Variants in SMC5 observed in about 807,000 individuals in gnomAD.
SMC5 encodes structural maintenance of chromosomes 5, also known as structural maintenance of chromosomes protein 5.
A neutral mutation model predicts 148.3 loss-of-function variants in SMC5; 88 were observed. That is an observed-to-expected ratio of 0.59 (90% CI 0.50 to 0.71). The LOEUF is 0.71. Ranked by LOEUF, SMC5 falls within the 30% of genes least tolerant of loss-of-function variation. The probability of loss-of-function intolerance (pLI) is 0.00; values close to 1 mark genes in which losing one functional copy is unlikely to be tolerated. For synonymous variants in SMC5, 421 were observed against 432.8 expected (o/e 0.97, Z 0.34); for missense variants, 1,142 against 1,298.9 (o/e 0.88, Z 1.86).
chr9:70,323,209 C>T (rs1336932552), intron 15 of SMC5, among the ~76,000 whole-genome samples: 2 of 152,152 alleles, frequency 1.3e-5, no homozygotes, highest in Non-Finnish European at 2.9e-5. Flanking sequence ...ATACTATTAA[C>T]TTTTAGGATT....
intron 8 of SMC5, among the ~76,000 whole-genome samples, chr9:70,297,099 T>A (rs560393278): frequency 5.9e-5 from 9 of 152,330 alleles, no homozygotes; most frequent in African/African-American, 2.2e-4. Context: ...TTTTTCAGAT[T>A]TTTGGAATGT....
At chr9:70,340,067 T>C (rs1043497569) in intron 17 of SMC5, among the ~76,000 whole-genome samples, 11 of 152,160 alleles carry the variant, frequency 7.2e-5, no homozygotes, top group Non-Finnish European at 1.5e-5. Flanking sequence ...TTCAGTTTAA[T>C]AATATATATC....
At chr9:70,273,085 A>G (rs186517266) in intron 3 of SMC5, among the ~76,000 whole-genome samples, 2 of 151,934 alleles carry the variant, frequency 1.3e-5, no homozygotes, top group East Asian at 3.9e-4. Flanking sequence ...TTACATCCGT[A>G]TTTTGTTTGT....
rs984733634 is a variant in SMC5 at position 70,353,860 on chromosome 9, C to A, written c.*1529C>A. ...GTAAATGGATATTACCAAATGTTTT[C>A]ATCGTTAATTACTTTGCGTTCCACC... On this transcript the variant is annotated 3_prime_UTR_variant, in exon 25 of 25. Coordinates refer to ENST00000361138, the MANE Select transcript of SMC5 (RefSeq NM_015110.4). 5 of 152,168 alleles carry A rather than the reference C, an allele frequency of 3.3e-5. No homozygotes were observed. The highest frequency in any genetic ancestry group is 2.4e-5 in the African/African-American group (1 of 41,436). 9.4% of individuals were successfully genotyped at this position (152,168 alleles called of 1,614,324 possible).
Position 70,353,157 on chromosome 9 carries a change from AATT to A in SMC5, c.*830_*832del, listed in dbSNP as rs1311283674. The A allele has an allele frequency of 1.3e-5, 2 of 152,062 alleles. No homozygotes were observed. Among genetic ancestry groups the A allele is most frequent in the Non-Finnish European group, 2.9e-5 (2 of 67,996 alleles). 9.4% of individuals were successfully genotyped at this position (152,062 alleles called of 1,614,324 possible). ...TCTTACATTTCTAAAAGCATTTTAT[AATT>A]ATTTTTAGTAAGATTTTTCTTAAAA... On this transcript the variant is annotated 3_prime_UTR_variant, in exon 25 of 25. Coordinates refer to ENST00000361138, the MANE Select transcript of SMC5 (RefSeq NM_015110.4).
At chr9:70,342,237 T>G (rs1342607993) in intron 17 of SMC5, among the ~76,000 whole-genome samples, 28 of 102,232 alleles carry the variant, frequency 2.7e-4, no homozygotes, top group Non-Finnish European at 3.6e-4. Flanking sequence ...TGGGGACTGT[T>G]GTGGGGTGGG....
In SMC5 at chr9:70,352,331, ATAAAAG is replaced by A; in HGVS notation, c.*5_*10del. 6.3e-7 allele frequency: 1 copy of A among 1,586,048 alleles called. No homozygotes were observed. Among genetic ancestry groups the A allele is most frequent in the Non-Finnish European group, 8.6e-7 (1 of 1,169,450 alleles). ...GTATTACATTCACTCAACCTTCTTAATAAAAGTAAAGAGAGGGAACTTGGGAATTTT... is the reference window on the plus strand; with the variant it reads ...GTATTACATTCACTCAACCTTCTTAATAAAGAGAGGGAACTTGGGAATTTT... On this transcript the variant is annotated 3_prime_UTR_variant, in exon 25 of 25. Transcript: ENST00000361138.
At chr9:70,287,834 T>G (rs1205364591) in intron 8 of SMC5, among the ~76,000 whole-genome samples, 1 of 152,194 alleles carries the variant, frequency 6.6e-6, no homozygotes, top group South Asian at 2.1e-4. Flanking sequence ...ATTTCTGGGG[T>G]TTTTGTTTGT....
chr9:70,346,588 C>G lies in SMC5; in HGVS notation c.2524-17C>G, dbSNP rs1428913347. On this transcript the variant is annotated splice_polypyrimidine_tract_variant and intron_variant, in intron 18 of 24. Transcript: ENST00000361138. The stretch of plus-strand genomic sequence containing the variant: ...TTTCAATGCCCCACATATTCTGGAC[C>G]CATTCTACCAATTCAGCAAGTACCC... 1 of 1,613,606 alleles carries G rather than the reference C, an allele frequency of 6.2e-7. No homozygotes were observed. Among genetic ancestry groups the G allele is most frequent in the Non-Finnish European group, 8.5e-7 (1 of 1,179,612 alleles).
Position 70,305,207 on chromosome 9 carries a change from G to A in SMC5, c.1465-40G>A, listed in dbSNP as rs1265831509. On this transcript the variant is annotated intron_variant, in intron 10 of 24. Coordinates refer to ENST00000361138, the MANE Select transcript of SMC5 (RefSeq NM_015110.4). ...ATAAACATGTTTTAATAATCAGTTG[G>A]GTTTCATGAAATTCGACCTTTTTTT... 6.0e-6 allele frequency: 5 copies of A among 831,542 alleles called. No homozygotes were observed. In the South Asian group the frequency reaches 8.3e-5, roughly 14 times the overall value. 51.5% of individuals were successfully genotyped at this position (831,542 alleles called of 1,614,324 possible). A position where few individuals can be genotyped will look rare whatever the true frequency, so the allele number is the denominator to read the frequency against.
chr9:70,344,298 A>C, intron 18 of SMC5, 29 bp downstream of exon 18: 1 of 1,379,572 alleles, frequency 7.2e-7, no homozygotes, highest in African/African-American at 1.5e-5. Context: ...TAATGCTACA[A>C]TTGCCATATT....
At chr9:70,289,051 G>GTTT (rs1345680632) in intron 8 of SMC5, among the ~76,000 whole-genome samples, 1 of 151,890 alleles carries the variant, frequency 6.6e-6, no homozygotes, top group Non-Finnish European at 1.5e-5. Context: ...TGTTGTTGTT[G>GTTT]TTATGAGACG....
chr9:70,260,148 G>A (rs2034068828), intron 1 of SMC5, among the ~76,000 whole-genome samples: 1 of 150,058 alleles, frequency 6.7e-6, no homozygotes, highest in Non-Finnish European at 1.5e-5. Flanking sequence ...ACTGTCGTCC[G>A]GGCTGGAAGG....
chr9:70,302,827 C>T (rs2035395644), intron 10 of SMC5, among the ~76,000 whole-genome samples: 1 of 152,178 alleles, frequency 6.6e-6, no homozygotes, highest in African/African-American at 2.4e-5. Flanking sequence ...GTGTGACTTC[C>T]TTGAGTCTTC....
chr9:70,282,507 G>A lies in SMC5; in HGVS notation c.905G>A (p.Gly302Glu). The A allele has an allele frequency of 6.2e-7, 1 of 1,608,504 alleles. No homozygotes were observed. Among genetic ancestry groups the A allele is most frequent in the Non-Finnish European group, 8.5e-7 (1 of 1,178,098 alleles). The change falls in exon 7 of 25, where the codon GGG (glycine) becomes GAG (glutamate). Residue 302 changes from glycine (G) to glutamate (E), a missense_variant. This residue lies in a region of SMC5 where 743 missense variants were observed against 835.7 expected (regional missense o/e 0.89). Coordinates refer to ENST00000361138, the MANE Select transcript of SMC5 (RefSeq NM_015110.4). ...GAAGAGGTCAGAAAACTTAAAGAAG[G>A]GCAGATTCCTGTAACATGTCGAATT... Reference protein sequence around the residue: ...VKEEVRKLKEGQIPVTCRIEE... With the variant: ...VKEEVRKLKEEQIPVTCRIEE...
In SMC5 at chr9:70,262,400, A is replaced by G. The variant is rs1319846727; in HGVS notation, c.186-1904A>G. 6.6e-5 allele frequency among the ~76,000 whole-genome samples: 10 copies of G among 152,290 alleles called. No homozygotes were observed. In the East Asian group the frequency reaches 1.7e-3, roughly 26 times the overall value. On this transcript the variant is annotated intron_variant, in intron 1 of 24. Transcript: ENST00000361138. ...TTTCTTTTTTAACAAGTGACATCAG[A>G]TTTACAATTCTACCAGCATCACTTG...
chr9:70,317,894 A>G (rs1425623157), intron 13 of SMC5, among the ~76,000 whole-genome samples: 1 of 152,186 alleles, frequency 6.6e-6, no homozygotes, highest in East Asian at 1.9e-4. Context: ...TGAACAGTAT[A>G]ACTGAGAGGA....
chr9:70,332,523 CAAA>C (rs57524323), intron 17 of SMC5, among the ~76,000 whole-genome samples: 330 of 104,162 alleles, frequency 3.2e-3, no homozygotes, highest in Admixed American at 6.5e-3. Flanking sequence ...GACCCTGTCT[CAAA>C]AAAAAAAAAA....
intron 7 of SMC5, 28 bp from the exon 8 acceptor site, chr9:70,286,170 TCC>T (rs762272403): frequency 1.4e-6 from 2 of 1,397,194 alleles, no homozygotes; most frequent in Non-Finnish European, 2.0e-6. Context: ...TAACTAGCTG[TCC>T]CCCCCTCTCC....
Sources: allele counts gnomAD v4.1 joint callset (sites outside exome capture counted in the v4.1 genomes callset), GRCh38; gene constraint gnomAD v4.1.1; regional missense constraint gnomAD v4.1.1; transcripts MANE v1.5; gene names NCBI Gene and HGNC (gene_info 2026-07-23, HGNC 2026-07-21).